THSD7B: variants seen among roughly 807,000 people sequenced by gnomAD.
THSD7B encodes thrombospondin type 1 domain containing 7B.
THSD7B carries 138 observed loss-of-function variants against 213.6 expected under a neutral mutation model. That is an observed-to-expected ratio of 0.65 (90% confidence interval 0.56 to 0.74). The LOEUF (loss-of-function observed/expected upper bound fraction) is 0.74. THSD7B is among the 30% of genes least tolerant of loss of function. THSD7B has a pLI of 0.00. For missense variants in THSD7B, 1,931 were observed against 1,991.5 expected (o/e 0.97, Z 0.58); for synonymous variants, 742 against 687.0 (o/e 1.08, Z -1.25).
At chr2:137,297,295 A>G (rs1306292064) in intron 12 of THSD7B, among the ~76,000 whole-genome samples, 2 of 151,182 alleles carry the variant, frequency 1.3e-5, no homozygotes, top group African/African-American at 4.9e-5. Context: ...AAAAAAAAGA[A>G]AGAAAAGGAA....
chr2:137,246,362 T>C (rs1682037630), intron 10 of THSD7B, among the ~76,000 whole-genome samples: 1 of 152,160 alleles, frequency 6.6e-6, no homozygotes, highest in African/African-American at 2.4e-5. Flanking sequence ...TACATTCTGA[T>C]TTAATAGGTT....
chr2:136,805,809 A>G (rs1682270265), intron 1 of THSD7B, among the ~76,000 whole-genome samples: 1 of 152,146 alleles, frequency 6.6e-6, no homozygotes, highest in East Asian at 1.9e-4. Context: ...TCATTTTCTC[A>G]GCTTCCAGCA....
At chr2:137,084,457 G>A (rs898844753) in intron 3 of THSD7B, among the ~76,000 whole-genome samples, 6 of 152,116 alleles carry the variant, frequency 3.9e-5, no homozygotes, top group African/African-American at 1.2e-4. Flanking sequence ...GCATAGCTGC[G>A]TTGGGCACAA....
intron 2 of THSD7B, among the ~76,000 whole-genome samples, chr2:137,015,967 C>T (rs933115420): frequency 1.3e-5 from 2 of 152,150 alleles, no homozygotes; most frequent in African/African-American, 4.8e-5. Context: ...CTCTTCTCTT[C>T]TAGGACAGCA....
At chr2:137,367,366 G>T (rs147933598) in intron 12 of THSD7B, among the ~76,000 whole-genome samples, 5 of 152,190 alleles carry the variant, frequency 3.3e-5, no homozygotes, top group Non-Finnish European at 4.4e-5. Context: ...CATGAAGCAG[G>T]TTACACAGAT....
chr2:137,287,431 G>A (rs1004601954), intron 12 of THSD7B, among the ~76,000 whole-genome samples: 4 of 152,102 alleles, frequency 2.6e-5, no homozygotes, highest in East Asian at 1.9e-4. Flanking sequence ...TTTAATCTAC[G>A]TGAATAATGA....
chr2:137,361,359 A>C (rs148146156), intron 12 of THSD7B, among the ~76,000 whole-genome samples: 1 of 152,334 alleles, frequency 6.6e-6, no homozygotes, highest in East Asian at 1.9e-4. Flanking sequence ...CAGCAATGGA[A>C]CAAAGCTAGA....
At chr2:137,190,568 G>A (rs1458189001) in intron 7 of THSD7B, among the ~76,000 whole-genome samples, 4 of 152,046 alleles carry the variant, frequency 2.6e-5, no homozygotes, top group South Asian at 2.1e-4. Flanking sequence ...AAGTATCCTC[G>A]GGTGTTTGCA....
intron 17 of THSD7B, among the ~76,000 whole-genome samples, chr2:137,606,325 T>C (rs1682176885): frequency 6.6e-6 from 1 of 152,154 alleles, no homozygotes; most frequent in South Asian, 2.1e-4. Context: ...TGTGGGGGCC[T>C]CTATGTTGCT....
intron 9 of THSD7B, among the ~76,000 whole-genome samples, chr2:137,237,393 A>ATT (rs1681790094): frequency 6.6e-6 from 1 of 152,202 alleles, no homozygotes; most frequent in African/African-American, 2.4e-5. Flanking sequence ...AGCTGGAGAA[A>ATT]TAAGTCTAAT....
intron 1 of THSD7B, among the ~76,000 whole-genome samples, chr2:136,852,540 C>T (rs1004359256): frequency 6.6e-6 from 1 of 152,142 alleles, no homozygotes; most frequent in Non-Finnish European, 1.5e-5. Context: ...CAAACTGAGA[C>T]TTGACCTACA....
At chr2:137,660,812 A>G (rs1236874220) in intron 25 of THSD7B, among the ~76,000 whole-genome samples, 1 of 152,200 alleles carries the variant, frequency 6.6e-6, no homozygotes, top group African/African-American at 2.4e-5. Flanking sequence ...TGATACTTTC[A>G]ATTAAAACCA....
intron 2 of THSD7B, among the ~76,000 whole-genome samples, chr2:136,947,900 C>T (rs1388894880): frequency 2.1e-4 from 32 of 152,196 alleles, no homozygotes; most frequent in Non-Finnish European, 7.3e-5. Context: ...GTCCAACTTG[C>T]AGGGAAGTGT....
intron 24 of THSD7B, 21 bp downstream of exon 24, chr2:137,657,181 T>A (rs778110145): frequency 4.3e-6 from 7 of 1,610,022 alleles, no homozygotes. Context: ...CTAAGACTCA[T>A]GTGGGCACTT....
chr2:136,952,070 A>C (rs1415239316), intron 2 of THSD7B, among the ~76,000 whole-genome samples: 1 of 152,012 alleles, frequency 6.6e-6, no homozygotes, highest in Non-Finnish European at 1.5e-5. Context: ...GGGTTTCACC[A>C]TATTGGCCAG....
intron 5 of THSD7B, among the ~76,000 whole-genome samples, chr2:137,127,056 AAT>A (rs149074834): frequency 0.031 from 4,726 of 152,110 alleles, 116 homozygotes; most frequent in Admixed American, 0.058. Context: ...TGATGACTAT[AAT>A]ATATATATAA....
chr2:136,947,268 G>C (rs1332526899), intron 2 of THSD7B, among the ~76,000 whole-genome samples: 1 of 152,180 alleles, frequency 6.6e-6, no homozygotes, highest in Non-Finnish European at 1.5e-5. Context: ...GAAGAGATGA[G>C]AGATGGAATG....
chr2:136,794,870 G>T (rs1682033711), intron 1 of THSD7B, among the ~76,000 whole-genome samples: 1 of 151,844 alleles, frequency 6.6e-6, no homozygotes, highest in African/African-American at 2.4e-5. Context: ...GGATATCCAT[G>T]TCTTTCAGTT....
rs111523240 is a variant in THSD7B, at chr2:137,655,984, G to A, written c.4105+324G>A. 1.5e-3 allele frequency among the ~76,000 whole-genome samples: 235 copies of A among 152,160 alleles called. 3 individuals are homozygous for A. The highest frequency in any genetic ancestry group is 5.3e-3 in the African/African-American group (220 of 41,532). ...ATCTAGAAACTGTGATGTTAATTCCGTATCCAACAGCACCTAGCACATTGG... is the reference window on the plus strand; with the variant it reads ...ATCTAGAAACTGTGATGTTAATTCCATATCCAACAGCACCTAGCACATTGG... On this transcript the variant is annotated intron_variant, in intron 22 of 27. Transcript: ENST00000409968.
Sources: allele counts gnomAD v4.1 joint callset (sites outside exome capture counted in the v4.1 genomes callset), GRCh38; gene constraint gnomAD v4.1.1; transcripts MANE v1.5; gene names NCBI Gene and HGNC (gene_info 2026-07-23, HGNC 2026-07-21).